Variants in FRK observed in about 807,000 individuals in gnomAD.
FRK encodes the protein fyn related Src family tyrosine kinase, also known as tyrosine-protein kinase FRK.
A neutral mutation model predicts 56.4 loss-of-function variants in FRK; 51 were observed. That is an observed-to-expected ratio of 0.90 (90% CI 0.72 to 1.14). The LOEUF is 1.14. FRK is among the 50% of genes most tolerant of loss of function. The probability of loss-of-function intolerance (pLI) is 0.00; values close to 1 mark genes in which losing one functional copy is unlikely to be tolerated. For missense variants in FRK, 570 were observed against 601.4 expected, an observed-to-expected ratio of 0.95 and a Z score of 0.55; for synonymous variants, 245 against 217.9, an observed-to-expected ratio of 1.12 and a Z score of -1.10.
chr6:115,984,435 C>T (rs560102116), intron 2 of FRK, among the ~76,000 whole-genome samples: 2 of 152,094 alleles, frequency 1.3e-5, no homozygotes, highest in East Asian at 3.9e-4. Context: ...GCTGAGATGG[C>T]TTAAACAGTC....
At chr6:115,984,462 A>G (rs976760482) in intron 2 of FRK, among the ~76,000 whole-genome samples, 11 of 152,038 alleles carry the variant, frequency 7.2e-5, no homozygotes, top group African/African-American at 2.7e-4. Flanking sequence ...AGACCACTCA[A>G]CTATTAAGTG....
chr6:116,078,679 A>T, the FRK span, among the ~76,000 whole-genome samples: 1 of 152,228 alleles, frequency 6.6e-6, no homozygotes, highest in Non-Finnish European at 1.5e-5. Context: ...ATTATAACAC[A>T]GATAAAGAAA....
rs188662961 is a variant in FRK, at chr6:115,936,138, A to G, written c.*6276T>C. On this transcript the variant is annotated 3_prime_UTR_variant, in exon 8 of 8. Coordinates refer to ENST00000606080, the MANE Select transcript of FRK (RefSeq NM_002031.3). ...TGCCCCTCTGGGACGAAGCTTCCAGAGGAAAGAACAGGCAGCAATCTTTGC... is the reference window on the plus strand; with the variant it reads ...TGCCCCTCTGGGACGAAGCTTCCAGGGGAAAGAACAGGCAGCAATCTTTGC... 12 of 161,026 alleles carry G rather than the reference A, an allele frequency of 7.5e-5. No homozygotes were observed. The highest frequency in any genetic ancestry group is 1.6e-4 in the Non-Finnish European group (12 of 75,454). The allele number at this position is 161,026 out of a possible 1,614,324, so 10.0% of individuals were successfully genotyped here.
the FRK span, among the ~76,000 whole-genome samples, chr6:116,095,979 C>T: frequency 1.3e-5 from 2 of 152,202 alleles, no homozygotes; most frequent in Non-Finnish European, 1.5e-5. Flanking sequence ...GGTGACATGA[C>T]TTCTCCCCTT....
chr6:116,043,677 A>G (rs2114795654), intron 1 of FRK, among the ~76,000 whole-genome samples: 1 of 152,316 alleles, frequency 6.6e-6, no homozygotes, highest in South Asian at 2.1e-4. Context: ...AATTAAAAGT[A>G]TTAGAGACGC....
At chr6:116,088,768 GT>G in the FRK span, among the ~76,000 whole-genome samples, 1 of 152,204 alleles carries the variant, frequency 6.6e-6, no homozygotes, top group Non-Finnish European at 1.5e-5. Context: ...TGATTGATTG[GT>G]TTTTTAATAT....
the FRK span, among the ~76,000 whole-genome samples, chr6:116,089,784 A>G: frequency 6.6e-6 from 1 of 152,310 alleles, no homozygotes; most frequent in South Asian, 2.1e-4. Context: ...GTATCATCAC[A>G]TTCTGAAATA....
At chr6:116,033,608 G>C (rs1364295453) in intron 1 of FRK, among the ~76,000 whole-genome samples, 1 of 152,092 alleles carries the variant, frequency 6.6e-6, no homozygotes, top group Non-Finnish European at 1.5e-5. Flanking sequence ...AGAAGTGGAA[G>C]AAGCCAAGGA....
the FRK span, among the ~76,000 whole-genome samples, chr6:116,075,485 C>T: frequency 4.0e-5 from 6 of 148,360 alleles, no homozygotes; most frequent in African/African-American, 9.9e-5. Context: ...AAAAAAAAAC[C>T]TGGAACTTTT....
rs561273499 is a variant in FRK at position 116,000,223 on chromosome 6, C to CTTTTTTTTTTTTTTTTTTTT, written c.466+3634_466+3653dup. Among the ~76,000 whole-genome samples the CTTTTTTTTTTTTTTTTTTTT allele has an allele frequency of 3.8e-5, 2 of 53,120 alleles. 1 individual carries two copies. The highest frequency in any genetic ancestry group is 7.1e-5 in the Non-Finnish European group (2 of 28,310). 34.8% of individuals were successfully genotyped at this position (53,120 alleles called of 152,430 possible). A position where few individuals can be genotyped will look rare whatever the true frequency, so the allele number is the denominator to read the frequency against. On this transcript the variant is annotated intron_variant, in intron 2 of 7. Coordinates refer to ENST00000606080, the MANE Select transcript of FRK (RefSeq NM_002031.3). ...TTTCCTCATGAAAATATCATTCTTT[C>CTTTTTTTTTTTTTTTTTTTT]TTTTTTTTTTTTTTTTTTTTTTTTT...
intron 2 of FRK, among the ~76,000 whole-genome samples, chr6:115,982,778 A>G (rs1036741712): frequency 6.6e-6 from 1 of 152,128 alleles, no homozygotes; most frequent in African/African-American, 2.4e-5. Context: ...GAGTAATAAT[A>G]AAAGCTATAG....
chr6:116,052,894 C>A (rs1322842176), intron 1 of FRK, among the ~76,000 whole-genome samples: 1 of 152,004 alleles, frequency 6.6e-6, no homozygotes, highest in African/African-American at 2.4e-5. Flanking sequence ...AGAGGAGCTG[C>A]CAACTAAATG....
chr6:116,051,224 A>C (rs1352151238), intron 1 of FRK, among the ~76,000 whole-genome samples: 1 of 152,140 alleles, frequency 6.6e-6, no homozygotes, highest in Non-Finnish European at 1.5e-5. Flanking sequence ...AATTTACTGA[A>C]TTGCATTTTT....
chr6:115,966,003 A>G (rs537957355), intron 4 of FRK, among the ~76,000 whole-genome samples: 1 of 123,200 alleles, frequency 8.1e-6, no homozygotes, highest in Non-Finnish European at 1.7e-5. Context: ...ATACATATGT[A>G]ACTAACCTGC....
the FRK span, among the ~76,000 whole-genome samples, chr6:116,092,337 A>G: frequency 1.3e-5 from 2 of 152,196 alleles, no homozygotes; most frequent in African/African-American, 4.8e-5. Flanking sequence ...TCACTCTTCC[A>G]ACCCTGGAGA....
chr6:116,024,402 C>T (rs1410628919), intron 1 of FRK, among the ~76,000 whole-genome samples: 3 of 151,420 alleles, frequency 2.0e-5, no homozygotes, highest in Non-Finnish European at 4.4e-5. Flanking sequence ...TCTCCCAATG[C>T]TATCCCTCCC....
At position 116,033,965 on chromosome 6, in the gene FRK, C is replaced by T. The variant is rs532159950; in HGVS notation, c.344+26003G>A. 2.0e-5 allele frequency among the ~76,000 whole-genome samples: 3 copies of T among 152,064 alleles called. 1 individual carries two copies. The East Asian group carries it at 5.8e-4, about 29-fold the overall frequency. ...GACACTGCTGAAGGAAGAGGCAAAG[C>T]AATGTGTCTGGAAATGAGGTATGAA... On this transcript the variant is annotated intron_variant, in intron 1 of 7. Coordinates refer to ENST00000606080, the MANE Select transcript of FRK (RefSeq NM_002031.3).
Position 115,943,081 on chromosome 6 carries a change from A to G in FRK, c.1245T>C (p.Asp415=), listed in dbSNP as rs1449557247. 2.5e-6 allele frequency: 4 copies of G among 1,613,444 alleles called. No individual in the cohort carries two copies. Among genetic ancestry groups the G allele is most frequent in the Admixed American group, 1.7e-5 (1 of 59,846 alleles). Residue 415 remains aspartate, a synonymous_variant, in exon 7 of 8, where the codon GAT becomes GAC. Transcript: ENST00000606080. ...AAAGAAGGATTCCAAATGACCATAC[A>G]TCGGACTTAATGCTGAATTTATTAC... ...IRSNKFSIKS[D]VWSFGILLYE...
intron 1 of FRK, among the ~76,000 whole-genome samples, chr6:116,028,741 C>A (rs954155670): frequency 2.6e-5 from 4 of 152,102 alleles, no homozygotes; most frequent in Non-Finnish European, 4.4e-5. Flanking sequence ...ATGGTCTCCT[C>A]CTAACTAACT....
Sources: gnomAD v4.1 joint callset for allele counts (sites outside exome capture counted in the v4.1 genomes callset) on GRCh38, gnomAD v4.1.1 for gene constraint, MANE v1.5 for transcripts, NCBI Gene and HGNC (gene_info 2026-07-23, HGNC 2026-07-21) for gene names.